CNBD1: variants seen among roughly 807,000 people sequenced by gnomAD.
The protein encoded by CNBD1 is cyclic nucleotide binding domain containing 1, also known as cyclic nucleotide-binding domain-containing protein 1.
In CNBD1, 71 loss-of-function variants were observed where a neutral mutation model predicts 54.4. The ratio of observed to expected loss-of-function variants is 1.30; its 90% confidence interval spans 1.08 to 1.59. The LOEUF (loss-of-function observed/expected upper bound fraction) is 1.59, where lower values mean the gene tolerates loss of function less well. CNBD1 is among the 40% of genes most tolerant of loss of function. The probability of loss-of-function intolerance (pLI) is 0.00; values close to 1 mark genes in which losing one functional copy is unlikely to be tolerated. For missense variants in CNBD1, 659 were observed against 518.0 expected (o/e 1.27, Z -2.64); for synonymous variants, 182 against 170.7 (o/e 1.07, Z -0.51).
intron 6 of CNBD1, among the ~76,000 whole-genome samples, chr8:87,284,366 A>T (rs13439535): frequency 0.28 from 42,788 of 151,988 alleles, 6,471 homozygotes; most frequent in African/African-American, 0.39. Context: ...AAGTGTACAA[A>T]ATTTCTTCAT....
At chr8:86,975,624 A>G (rs867102453) in intron 4 of CNBD1, among the ~76,000 whole-genome samples, 1 of 152,024 alleles carries the variant, frequency 6.6e-6, no homozygotes, top group African/African-American at 2.4e-5. Flanking sequence ...AAATTCATTT[A>G]TCCATTGATG....
At position 87,338,449 on chromosome 8, in the gene CNBD1, A is replaced by G. The variant is rs537223658; in HGVS notation, c.1043-13236A>G. Among the ~76,000 whole-genome samples, 56 of 152,138 alleles carry G rather than the reference A, an allele frequency of 3.7e-4. 1 individual carries two copies. In the South Asian group the frequency reaches 0.011, roughly 31 times the overall value. On this transcript the variant is annotated intron_variant, in intron 8 of 10. Transcript: ENST00000518476. The stretch of plus-strand genomic sequence containing the variant: ...ATAATTTTTCAGGTTACAGAATTCA[A>G]GGTTGGTGATTTTGTTGTTGTTGTT...
At chr8:87,216,917 T>G (rs1356107991) in intron 5 of CNBD1, among the ~76,000 whole-genome samples, 4 of 152,146 alleles carry the variant, frequency 2.6e-5, no homozygotes, top group South Asian at 2.1e-4. Flanking sequence ...AAATACTGGC[T>G]TATAGAAATC....
intron 4 of CNBD1, among the ~76,000 whole-genome samples, chr8:86,970,951 A>G (rs780015679): frequency 2.6e-5 from 4 of 152,150 alleles, no homozygotes; most frequent in Non-Finnish European, 5.9e-5. Flanking sequence ...AAGGCTTTCA[A>G]TGGATTCTTT....
chr8:87,207,639 C>G (rs540579953), intron 5 of CNBD1, among the ~76,000 whole-genome samples: 1 of 152,192 alleles, frequency 6.6e-6, no homozygotes, highest in South Asian at 2.1e-4. Flanking sequence ...GTTTTATTCT[C>G]TCACAATGTG....
intron 4 of CNBD1, among the ~76,000 whole-genome samples, chr8:87,043,653 C>A (rs1177872300): frequency 2.0e-5 from 3 of 152,162 alleles, no homozygotes; most frequent in African/African-American, 7.2e-5. Flanking sequence ...AGCTAACCAG[C>A]AGTATCCAGA....
intron 8 of CNBD1, among the ~76,000 whole-genome samples, chr8:87,305,630 A>G (rs1414117545): frequency 6.6e-6 from 1 of 152,192 alleles, no homozygotes; most frequent in Non-Finnish European, 1.5e-5. Flanking sequence ...AACTTCAACA[A>G]AGCAAACGAA....
chr8:87,000,445 A>G (rs920960395), intron 4 of CNBD1, among the ~76,000 whole-genome samples: 3 of 152,196 alleles, frequency 2.0e-5, no homozygotes, highest in Admixed American at 2.0e-4. Flanking sequence ...AGACTCTAAT[A>G]CAAGTATGGT....
chr8:87,369,981 G>A (rs1490414513), intron 10 of CNBD1, among the ~76,000 whole-genome samples: 1 of 151,844 alleles, frequency 6.6e-6, no homozygotes, highest in African/African-American at 2.4e-5. Flanking sequence ...TGCAGTGTTT[G>A]GTTTTTTGTC....
rs139683071 is a variant in CNBD1 at position 87,240,741 on chromosome 8, C to A, written c.771+3629C>A. 3.3e-5 allele frequency among the ~76,000 whole-genome samples: 5 copies of A among 152,204 alleles called. No homozygotes were observed. The East Asian group carries it at 9.7e-4, about 29-fold the overall frequency. ...AATTAAAGGCAAAATGGTAATGGGA[C>A]CTTATGTGATTGGATGTCCAAATAT... On this transcript the variant is annotated intron_variant, in intron 6 of 10. Coordinates refer to ENST00000518476, the MANE Select transcript of CNBD1 (RefSeq NM_173538.3).
intron 8 of CNBD1, among the ~76,000 whole-genome samples, chr8:87,317,484 T>G (rs1204048506): frequency 6.6e-6 from 1 of 151,796 alleles, no homozygotes; most frequent in Non-Finnish European, 1.5e-5. Flanking sequence ...TAAATTTTAT[T>G]GTTATTTGAA....
chr8:87,421,648 C>T (rs1439464832), intron 2 of CNBD1, among the ~76,000 whole-genome samples: 1 of 151,768 alleles, frequency 6.6e-6, no homozygotes, highest in Non-Finnish European at 1.5e-5. Flanking sequence ...TGTATATGTG[C>T]CACATTTTCT....
intron 2 of CNBD1, among the ~76,000 whole-genome samples, chr8:87,414,201 G>T (rs1807799349): frequency 2.0e-5 from 3 of 152,030 alleles, no homozygotes; most frequent in Admixed American, 6.6e-5. Flanking sequence ...CATAAAAAAT[G>T]AAGAGTTCAT....
At chr8:87,265,736 C>T (rs1808242537) in intron 6 of CNBD1, among the ~76,000 whole-genome samples, 1 of 151,922 alleles carries the variant, frequency 6.6e-6, no homozygotes, top group African/African-American at 2.4e-5. Context: ...CTGCTTTCTG[C>T]TAAAACAGCA....
At chr8:87,041,846 G>C (rs1326676426) in intron 4 of CNBD1, among the ~76,000 whole-genome samples, 1 of 152,174 alleles carries the variant, frequency 6.6e-6, no homozygotes, top group Non-Finnish European at 1.5e-5. Context: ...GAGAGGGAAT[G>C]CTCTGACCTA....
intron 2 of CNBD1, among the ~76,000 whole-genome samples, chr8:87,409,823 G>A (rs1807709849): frequency 6.6e-6 from 1 of 151,996 alleles, no homozygotes. Flanking sequence ...AGGAATTCCA[G>A]ACCAGCCTGT....
chr8:87,413,485 A>G (rs1384772964), intron 2 of CNBD1, among the ~76,000 whole-genome samples: 1 of 152,118 alleles, frequency 6.6e-6, no homozygotes, highest in Non-Finnish European at 1.5e-5. Flanking sequence ...TAAAGAGCTT[A>G]GCCACTGAAG....
intron 10 of CNBD1, among the ~76,000 whole-genome samples, chr8:87,370,164 T>G (rs1245008404): frequency 2.0e-5 from 3 of 151,830 alleles, no homozygotes; most frequent in Admixed American, 2.0e-4. Context: ...TCTTTGCTAT[T>G]GTGAATAGTG....
At chr8:87,137,376 T>C (rs1409527142) in intron 4 of CNBD1, among the ~76,000 whole-genome samples, 1 of 151,444 alleles carries the variant, frequency 6.6e-6, no homozygotes, top group Non-Finnish European at 1.5e-5. Flanking sequence ...TTTTTGAATT[T>C]TTTTTTTTAG....
Sources: gnomAD v4.1 joint callset for allele counts (sites outside exome capture counted in the v4.1 genomes callset) on GRCh38, gnomAD v4.1.1 for gene constraint, MANE v1.5 for transcripts, NCBI Gene and HGNC (gene_info 2026-07-23, HGNC 2026-07-21) for gene names.